Variants in CDK6 observed in about 807,000 individuals in gnomAD.
CDK6 encodes the protein cyclin-dependent kinase 6.
CDK6 carries 6 observed loss-of-function variants against 37.1 expected under a neutral mutation model. That is an observed-to-expected ratio of 0.16 (90% CI 0.09 to 0.32). CDK6 has a LOEUF of 0.32. Ranked by LOEUF, CDK6 falls within the 10% of genes least tolerant of loss-of-function variation. The pLI is 1.00. For synonymous variants in CDK6, 160 were observed against 161.3 expected, an observed-to-expected ratio of 0.99 and a Z score of 0.06; for missense variants, 224 against 418.9, an observed-to-expected ratio of 0.53 and a Z score of 4.06.
chr7:92,654,218 A>T, intron 5 of CDK6, among the ~76,000 whole-genome samples: 1 of 149,824 alleles, frequency 6.7e-6, no homozygotes, highest in Non-Finnish European at 1.5e-5. Flanking sequence ...TGTTTTAGAG[A>T]GTATGTCTTC....
intron 5 of CDK6, among the ~76,000 whole-genome samples, chr7:92,655,892 C>T (rs752979328): frequency 1.3e-5 from 2 of 152,264 alleles, no homozygotes; most frequent in Non-Finnish European, 2.9e-5. Context: ...CACATACACA[C>T]ACGCTCCTAA....
intron 3 of CDK6, among the ~76,000 whole-genome samples, chr7:92,761,432 G>C (rs933201818): frequency 6.6e-6 from 1 of 152,128 alleles, no homozygotes; most frequent in Non-Finnish European, 1.5e-5. Context: ...AATCAGGCCT[G>C]TTTCTAGCAA....
At chr7:92,631,410 G>A (rs1278674433) in intron 5 of CDK6, among the ~76,000 whole-genome samples, 1 of 152,180 alleles carries the variant, frequency 6.6e-6, no homozygotes, top group African/African-American at 2.4e-5. Context: ...AATCAAATGA[G>A]CATACCTCAA....
At chr7:92,721,474 A>C (rs1430940632) in intron 4 of CDK6, among the ~76,000 whole-genome samples, 2 of 152,172 alleles carry the variant, frequency 1.3e-5, no homozygotes. Context: ...CTTGCCTAGG[A>C]CCAAGGCAAA....
intron 5 of CDK6, among the ~76,000 whole-genome samples, chr7:92,628,169 C>T (rs190235402): frequency 3.3e-5 from 5 of 152,026 alleles, no homozygotes; most frequent in Admixed American, 1.3e-4. Flanking sequence ...AAAAAAGGCA[C>T]TGGTATGAAA....
intron 2 of CDK6, among the ~76,000 whole-genome samples, chr7:92,831,497 A>G (rs1444143316): frequency 6.6e-6 from 1 of 152,190 alleles, no homozygotes; most frequent in African/African-American, 2.4e-5. Context: ...TTCCCCTAGG[A>G]CGACAGCTGA....
intron 2 of CDK6, among the ~76,000 whole-genome samples, chr7:92,789,385 A>G (rs1199376018): frequency 1.3e-5 from 2 of 152,226 alleles, no homozygotes; most frequent in Admixed American, 1.3e-4. Flanking sequence ...AACTAACTAC[A>G]TAGGTAAGTG....
At chr7:92,630,563 G>A (rs1045445349) in intron 5 of CDK6, among the ~76,000 whole-genome samples, 1 of 152,110 alleles carries the variant, frequency 6.6e-6, no homozygotes, top group Non-Finnish European at 1.5e-5. Context: ...ATTCACAAGG[G>A]TGAAGACTTT....
At chr7:92,812,884 T>A (rs1475818990) in intron 2 of CDK6, among the ~76,000 whole-genome samples, 1 of 152,224 alleles carries the variant, frequency 6.6e-6, no homozygotes, top group South Asian at 2.1e-4. Flanking sequence ...TGATGCCAAT[T>A]CACAATCACC....
At chr7:92,659,638 CA>C (rs770670947) in intron 5 of CDK6, among the ~76,000 whole-genome samples, 2,464 of 134,432 alleles carry the variant, frequency 0.018, 51 homozygotes, top group African/African-American at 0.056. Context: ...ACACACACCA[CA>C]CACACACACA....
At chr7:92,801,922 C>A (rs892699296) in intron 2 of CDK6, among the ~76,000 whole-genome samples, 1 of 151,614 alleles carries the variant, frequency 6.6e-6, no homozygotes, top group African/African-American at 2.4e-5. Flanking sequence ...TGCGCCACCC[C>A]GCCTCTCTTT....
chr7:92,676,152 C>A (rs1337403112), intron 4 of CDK6, among the ~76,000 whole-genome samples: 3 of 151,340 alleles, frequency 2.0e-5, no homozygotes, highest in Non-Finnish European at 4.4e-5. Flanking sequence ...AAATTTAGCT[C>A]ATTTCTTTTC....
intron 3 of CDK6, among the ~76,000 whole-genome samples, chr7:92,740,587 A>G (rs1798898117): frequency 6.6e-6 from 1 of 152,210 alleles, no homozygotes; most frequent in African/African-American, 2.4e-5. Flanking sequence ...AGAAAAATAA[A>G]GAAGCATCCT....
chr7:92,616,741 C>G (rs988034086), intron 7 of CDK6, among the ~76,000 whole-genome samples: 18 of 152,140 alleles, frequency 1.2e-4, no homozygotes, highest in Non-Finnish European at 2.2e-4. Context: ...AGACATGTCT[C>G]TAGAGGATTA....
At chr7:92,821,657 C>T (rs964449397) in intron 2 of CDK6, among the ~76,000 whole-genome samples, 5 of 151,840 alleles carry the variant, frequency 3.3e-5, no homozygotes, top group African/African-American at 9.7e-5. Flanking sequence ...CACTCCCTCT[C>T]TTCATTCCTT....
In CDK6 at chr7:92,621,640, A is replaced by C. The variant is rs960044442; in HGVS notation, c.698+1396T>G. On this transcript the variant is annotated intron_variant, in intron 6 of 7. Transcript: ENST00000424848. Reference sequence around the variant, plus strand: ...CCTCTTTATGATCACATGCACACAAAATATATTCAACAGTCATGGGGAAAA... The same window carrying C: ...CCTCTTTATGATCACATGCACACAACATATATTCAACAGTCATGGGGAAAA... Among the ~76,000 whole-genome samples, 11 of 152,286 alleles carry C rather than the reference A, an allele frequency of 7.2e-5. No individual in the cohort carries two copies. The East Asian group carries it at 1.9e-3, about 27-fold the overall frequency.
chr7:92,815,393 C>T (rs1258214072), intron 2 of CDK6, among the ~76,000 whole-genome samples: 4 of 152,136 alleles, frequency 2.6e-5, no homozygotes, highest in Non-Finnish European at 5.9e-5. Context: ...TACTAGCTAA[C>T]CAGTCTTTAT....
rs571247608 is a variant in CDK6 at position 92,611,246 on chromosome 7, T to C, written c.*3894A>G. 4.0e-5 allele frequency: 9 copies of C among 225,414 alleles called. No individual in the cohort carries two copies. The East Asian group carries it at 5.2e-4, about 13-fold the overall frequency. The allele number at this position is 225,414 out of a possible 1,614,324, so 14.0% of individuals were successfully genotyped here. ...CATGCATTCTTTTGAATTATATAAA[T>C]ATCTAAGAGTTTATAATAACATTCC... On this transcript the variant is annotated 3_prime_UTR_variant, in exon 8 of 8. Transcript: ENST00000424848.
rs1163326844 is a variant in CDK6, at chr7:92,610,267, CTT to C, written c.*4871_*4872del. ...AGCCTGTATTTATTTTCAGGTGGCTCTTGTTTTCTTCCTAAGGCTAGACAAGG... is the reference window on the plus strand; with the variant it reads ...AGCCTGTATTTATTTTCAGGTGGCTCGTTTTCTTCCTAAGGCTAGACAAGG... On this transcript the variant is annotated 3_prime_UTR_variant, in exon 8 of 8. Coordinates refer to ENST00000424848, the MANE Select transcript of CDK6 (RefSeq NM_001145306.2). 9.5e-5 allele frequency: 22 copies of C among 232,320 alleles called. No homozygotes were observed. Among genetic ancestry groups the C allele is most frequent in the African/African-American group, 2.0e-4 (9 of 45,418 alleles). The allele number at this position is 232,320 out of a possible 1,614,324, so 14.4% of individuals were successfully genotyped here.
Sources: allele counts gnomAD v4.1 joint callset (sites outside exome capture counted in the v4.1 genomes callset), GRCh38; gene constraint gnomAD v4.1.1; transcripts MANE v1.5; gene names NCBI Gene and HGNC (gene_info 2026-07-23, HGNC 2026-07-21).